The following FAH variants were observed in gnomAD, a reference collection of about 807,000 sequenced individuals.
The protein encoded by FAH is fumarylacetoacetate hydrolase, also known as fumarylacetoacetase.
In FAH, 47 loss-of-function variants were observed where a neutral mutation model predicts 55.8. The ratio of observed to expected loss-of-function variants is 0.84; its 90% CI spans 0.67 to 1.07. The LOEUF is 1.07. Ranked by LOEUF, FAH falls within the 50% of genes least tolerant of loss-of-function variation. FAH has a pLI of 0.00. For missense variants in FAH, 495 were observed against 545.9 expected (o/e 0.91, Z 0.93); for synonymous variants, 199 against 207.7 (o/e 0.96, Z 0.36).
At chr15:80,154,705 C>G (rs753110272) in intron 1 of FAH, among the ~76,000 whole-genome samples, 1 of 152,216 alleles carries the variant, frequency 6.6e-6, no homozygotes, top group Non-Finnish European at 1.5e-5. Context: ...CCTGCCATCA[C>G]TTTATTCATT....
At position 80,162,003 on chromosome 15, in the gene FAH, C is replaced by G. The variant is rs142329136; in HGVS notation, c.365-243C>G. Among the ~76,000 whole-genome samples the G allele has an allele frequency of 1.6e-3, 247 of 152,332 alleles. 2 individuals are homozygous for G. Among genetic ancestry groups the G allele is most frequent in the Admixed American group, 2.4e-3 (37 of 15,306 alleles). Reference sequence around the variant, plus strand: ...TCAGCCACTTGGTGTTCACATTCCACTGTCAGTTTCAGAAAGTCTGGACTC... The same window carrying G: ...TCAGCCACTTGGTGTTCACATTCCAGTGTCAGTTTCAGAAAGTCTGGACTC... On this transcript the variant is annotated intron_variant, in intron 4 of 13. Transcript: ENST00000561421.
At chr15:80,157,601 A>T (rs1330799243) in intron 1 of FAH, 4 of 238,560 alleles carry the variant, frequency 1.7e-5, no homozygotes, top group Non-Finnish European at 3.3e-5. Context: ...AATCCAAGCC[A>T]CCTGGCCCTC....
At chr15:80,180,280 A>G (rs747703088) in intron 12 of FAH, 55 bp downstream of exon 12, 2 of 1,440,472 alleles carry the variant, frequency 1.4e-6, no homozygotes, top group Non-Finnish European at 1.9e-6. Context: ...TGCTCCCCAC[A>G]CAGCCCCAAG....
At chr15:80,155,994 C>G (rs1002623374) in intron 1 of FAH, 4 of 465,308 alleles carry the variant, frequency 8.6e-6, no homozygotes, top group African/African-American at 5.9e-5. Context: ...AAGCACAGCA[C>G]CACAGGGAGG....
chr15:80,166,430 G>C (rs376230108), intron 5 of FAH: 1 of 151,896 alleles, frequency 6.6e-6, no homozygotes. Context: ...CACCGTGCCC[G>C]GCCTTCTTAT....
At position 80,168,266 on chromosome 15, in the gene FAH, A is replaced by G. The variant is rs763667882; in HGVS notation, c.556A>G (p.Lys186Glu). The G allele has an allele frequency of 6.2e-7, 1 of 1,609,608 alleles. No individual in the cohort carries two copies. The highest frequency in any genetic ancestry group is 1.1e-5 in the South Asian group (1 of 91,006). ...TTTTTTTTCTGGTGTTATTCCAGCT[A>G]AGCCTCCCGTATATGGTGCCTGCAA... ...PMGQMKPDDS[K>E]PPVYGACKLL... Residue 186 changes from lysine to glutamate, a missense_variant and splice_region_variant, in exon 7 of 14, where the codon AAG becomes GAG. Physicochemically the swap from Lys to Glu is moderately conservative, Grantham distance 56 (BLOSUM62 1). Transcript: ENST00000561421.
Position 80,158,159 on chromosome 15 carries a change from G to A in FAH, c.181G>A (p.Val61Ile). ...TCCTGTCCTCTCCAAACACCAGGATGTCTTCAATCAGGTAGGACATTGTGA... is the reference window on the plus strand; with the variant it reads ...TCCTGTCCTCTCCAAACACCAGGATATCTTCAATCAGGTAGGACATTGTGA... Reference protein sequence around the residue: ...TGPVLSKHQDVFNQPTLNSFM... With the variant: ...TGPVLSKHQDIFNQPTLNSFM... The change falls in exon 2 of 14, where the codon GTC becomes ATC. Residue 61 changes from valine to isoleucine, a missense_variant. Coordinates refer to ENST00000561421, the MANE Select transcript of FAH (RefSeq NM_000137.4). The A allele has an allele frequency of 6.2e-7, 1 of 1,612,050 alleles. No individual in the cohort carries two copies. Among genetic ancestry groups the A allele is most frequent in the South Asian group, 1.1e-5 (1 of 91,046 alleles).
intron 5 of FAH, among the ~76,000 whole-genome samples, chr15:80,164,230 T>C (rs2041173197): frequency 2.0e-5 from 3 of 152,140 alleles, no homozygotes; most frequent in Non-Finnish European, 4.4e-5. Context: ...AGAGAACCCA[T>C]TTCTTTGACT....
intron 1 of FAH, among the ~76,000 whole-genome samples, chr15:80,154,280 C>A (rs545000134): frequency 1.3e-4 from 20 of 152,244 alleles, no homozygotes; most frequent in Non-Finnish European, 2.8e-4. Context: ...TCCTCCCTCA[C>A]CTTTCCTGGG....
intron 9 of FAH, chr15:80,173,678 C>T (rs1040566971): frequency 8.4e-6 from 2 of 238,524 alleles, no homozygotes; most frequent in Non-Finnish European, 1.7e-5. Context: ...CTGGCAACAC[C>T]TGGCCAGAGT....
Position 80,180,143 on chromosome 15 carries a change from T to A in FAH, c.980T>A (p.Leu327Gln). The A allele has an allele frequency of 6.2e-7, 1 of 1,610,790 alleles. No individual in the cohort carries two copies. The highest frequency in any genetic ancestry group is 8.5e-7 in the Non-Finnish European group (1 of 1,179,794). ...SNFKYMYWTM[L>Q]QQLTHHSVNG... ...CTGCAGTACATGTACTGGACGATGC[T>A]GCAGCAGCTCACTCACCACTCTGTC... The change falls in exon 12 of 14, where the codon CTG becomes CAG. Residue 327 changes from leucine (L) to glutamine (Q), a missense_variant. By Grantham distance (113) the Leu-to-Gln change is moderately radical. Coordinates refer to ENST00000561421, the MANE Select transcript of FAH (RefSeq NM_000137.4).
In FAH at chr15:80,181,112, G is replaced by C; in HGVS notation, c.1133G>C (p.Gly378Ala). 6.2e-7 allele frequency: 1 copy of C among 1,613,950 alleles called. No homozygotes were observed. The highest frequency in any genetic ancestry group is 8.5e-7 in the Non-Finnish European group (1 of 1,179,862). ...KGTKPIDLGNGQTRKFLLDGD... is the reference protein window; with the variant it reads ...KGTKPIDLGNAQTRKFLLDGD... ...ACGAAGCCCATAGACCTGGGGAATG[G>C]TCAGACCAGGAAGTTTCTGCTGGAC... The change falls in exon 13 of 14, where the codon GGT becomes GCT. Residue 378 changes from glycine to alanine, a missense_variant. Gly to Ala is a moderately conservative substitution (Grantham distance 60). Transcript: ENST00000561421.
intron 1 of FAH, among the ~76,000 whole-genome samples, chr15:80,154,441 A>C (rs1168462350): frequency 1.3e-5 from 2 of 152,196 alleles, no homozygotes; most frequent in Non-Finnish European, 2.9e-5. Flanking sequence ...CAACATCAGA[A>C]TGTGCAGGGC....
chr15:80,161,519 T>G (rs1340279674), intron 4 of FAH, among the ~76,000 whole-genome samples: 1 of 152,188 alleles, frequency 6.6e-6, no homozygotes. Context: ...CAACTGGTTT[T>G]TCTTTCAGAT....
intron 13 of FAH, among the ~76,000 whole-genome samples, chr15:80,183,195 C>A (rs906612636): frequency 6.6e-6 from 1 of 152,110 alleles, no homozygotes; most frequent in Non-Finnish European, 1.5e-5. Context: ...TCTGAAGAAG[C>A]ACATGTTGGC....
At chr15:80,169,825 G>A (rs1344727803) in intron 7 of FAH, among the ~76,000 whole-genome samples, 4 of 152,170 alleles carry the variant, frequency 2.6e-5, no homozygotes, top group African/African-American at 7.2e-5. Context: ...GAGCCACCGC[G>A]CTCGGCCAGG....
intron 5 of FAH, chr15:80,162,951 G>T: frequency 5.7e-6 from 1 of 175,966 alleles, no homozygotes; most frequent in Non-Finnish European, 1.2e-5. Context: ...TTTGTTCTGT[G>T]TTGTCCCCTG....
Position 80,186,311 on chromosome 15 carries a change from C to T in FAH, c.*102C>T. On this transcript the variant is annotated 3_prime_UTR_variant, in exon 14 of 14. Transcript: ENST00000561421. ...GTAGGCCTGGTCCGCCATTCAGTGA[C>T]AAATAAAGCCATTGTGCTCTGAGGC... is the stretch of plus-strand genomic sequence containing the variant. The T allele has an allele frequency of 7.8e-6, 7 of 898,674 alleles. No homozygotes were observed. In the South Asian group the frequency reaches 9.4e-5, roughly 12 times the overall value. The allele number at this position is 898,674 out of a possible 1,614,324, so 55.7% of individuals were successfully genotyped here. A position where few individuals can be genotyped will look rare whatever the true frequency, so the allele number is the denominator to read the frequency against.
At chr15:80,160,606 TC>T (rs2041140875) in intron 4 of FAH, 147 bp downstream of exon 4, 1 of 759,680 alleles carries the variant, frequency 1.3e-6, no homozygotes, top group African/African-American at 1.7e-5. Context: ...TACCCGCTCC[TC>T]ATCACTGACC....
Sources: gnomAD v4.1 joint callset for allele counts (sites outside exome capture counted in the v4.1 genomes callset) on GRCh38, gnomAD v4.1.1 for gene constraint, MANE v1.5 for transcripts, NCBI Gene and HGNC (gene_info 2026-07-23, HGNC 2026-07-21) for gene names.